The following TAFA4 variants were observed in gnomAD, a reference collection of about 807,000 sequenced individuals.
TAFA4 encodes TAFA chemokine like family member 4.
A neutral mutation model predicts 21.1 loss-of-function variants in TAFA4; 20 were observed. That is an observed-to-expected ratio of 0.95 (90% CI 0.67 to 1.38). TAFA4 has a LOEUF of 1.38. Ranked by LOEUF, TAFA4 falls within the 40% of genes most tolerant of loss-of-function variation. The probability of loss-of-function intolerance (pLI) is 0.00; values close to 1 mark genes in which losing one functional copy is unlikely to be tolerated. For missense variants in TAFA4, 211 were observed against 180.9 expected (o/e 1.17, Z -0.95); for synonymous variants, 71 against 67.4 (o/e 1.05, Z -0.26).
intron 3 of TAFA4, among the ~76,000 whole-genome samples, chr3:68,850,240 AT>A (rs1195135303): frequency 2.0e-5 from 3 of 152,170 alleles, no homozygotes; most frequent in Non-Finnish European, 4.4e-5. Flanking sequence ...GACTCCAGGC[AT>A]TGTTTCAGTT....
intron 1 of TAFA4, among the ~76,000 whole-genome samples, chr3:68,887,345 C>T (rs373251251): frequency 4.6e-5 from 7 of 152,256 alleles, no homozygotes; most frequent in African/African-American, 1.7e-4. Flanking sequence ...CAGCCCTGCC[C>T]CTGTGGCTTT....
chr3:68,909,214 C>A (rs755796044), intron 1 of TAFA4, among the ~76,000 whole-genome samples: 2 of 152,084 alleles, frequency 1.3e-5, no homozygotes, highest in Non-Finnish European at 2.9e-5. Flanking sequence ...AAAATGACAA[C>A]AGAATTTAGT....
chr3:68,734,052 A>G (rs1272258641), intron 5 of TAFA4, among the ~76,000 whole-genome samples: 1 of 152,206 alleles, frequency 6.6e-6, no homozygotes, highest in Non-Finnish European at 1.5e-5. Flanking sequence ...TCTGCAGGCC[A>G]TACAGTCACT....
At chr3:68,863,285 T>C (rs1173906873) in intron 3 of TAFA4, among the ~76,000 whole-genome samples, 1 of 151,990 alleles carries the variant, frequency 6.6e-6, no homozygotes, top group African/African-American at 2.4e-5. Flanking sequence ...TCACAGTATA[T>C]TTCCAGTAAG....
At chr3:68,896,519 C>G (rs2089790417) in intron 1 of TAFA4, among the ~76,000 whole-genome samples, 1 of 152,192 alleles carries the variant, frequency 6.6e-6, no homozygotes, top group Non-Finnish European at 1.5e-5. Context: ...AATGTTATTA[C>G]CAGTCTTGCA....
intron 3 of TAFA4, among the ~76,000 whole-genome samples, chr3:68,779,808 C>T (rs1470330850): frequency 6.6e-6 from 1 of 152,178 alleles, no homozygotes; most frequent in Non-Finnish European, 1.5e-5. Context: ...GTTGGAGCCC[C>T]CACACAGAGT....
rs111620147 is a variant in TAFA4, at chr3:68,841,344, A to G, written c.130+39386T>C. ...TCTCAAAAAAAAAAAAAATAAAAAA[A>G]AATAAAATCCACACACATTCTCCAC... On this transcript the variant is annotated intron_variant, in intron 3 of 5. Coordinates refer to ENST00000295569, the MANE Select transcript of TAFA4 (RefSeq NM_182522.5). 2.2e-4 allele frequency among the ~76,000 whole-genome samples: 16 copies of G among 73,618 alleles called. 3 individuals carry two copies. In the South Asian group the frequency reaches 2.6e-3, roughly 12 times the overall value. 48.3% of individuals were successfully genotyped at this position (73,618 alleles called of 152,430 possible).
intron 3 of TAFA4, among the ~76,000 whole-genome samples, chr3:68,833,719 C>G (rs1023517933): frequency 2.0e-5 from 3 of 151,966 alleles, no homozygotes; most frequent in African/African-American, 4.8e-5. Flanking sequence ...CACTCTTAGC[C>G]CCCTATCCAC....
intron 3 of TAFA4, among the ~76,000 whole-genome samples, chr3:68,852,352 G>A (rs72938872): frequency 2.2e-4 from 34 of 152,230 alleles, no homozygotes; most frequent in African/African-American, 7.5e-4. Context: ...GAACATACTC[G>A]TATTTGGTCA....
At chr3:68,849,364 C>T (rs151098484) in intron 3 of TAFA4, among the ~76,000 whole-genome samples, 4 of 152,254 alleles carry the variant, frequency 2.6e-5, no homozygotes, top group African/African-American at 9.6e-5. Flanking sequence ...CCATTTATCG[C>T]CCAGGCTTCA....
chr3:68,871,468 T>C (rs2089482425), intron 3 of TAFA4, among the ~76,000 whole-genome samples: 1 of 152,056 alleles, frequency 6.6e-6, no homozygotes, highest in African/African-American at 2.4e-5. Flanking sequence ...CCTGAAACTA[T>C]GAAACTATTA....
At chr3:68,813,951 C>G (rs1410418874) in intron 3 of TAFA4, among the ~76,000 whole-genome samples, 1 of 152,174 alleles carries the variant, frequency 6.6e-6, no homozygotes, top group Non-Finnish European at 1.5e-5. Flanking sequence ...AGCAGCACAT[C>G]AAAAACCTTA....
chr3:68,870,871 G>T (rs2089473977), intron 3 of TAFA4, among the ~76,000 whole-genome samples: 1 of 152,128 alleles, frequency 6.6e-6, no homozygotes, highest in Non-Finnish European at 1.5e-5. Flanking sequence ...TGCTGAGAAT[G>T]ATGGTTTCCA....
chr3:68,925,922 AC>A (rs2090103980), intron 1 of TAFA4, among the ~76,000 whole-genome samples: 1 of 152,080 alleles, frequency 6.6e-6, no homozygotes, highest in Non-Finnish European at 1.5e-5. Flanking sequence ...TGATGTATGA[AC>A]CCCGTTATTC....
At chr3:68,915,601 T>C (rs1575671543) in intron 1 of TAFA4, among the ~76,000 whole-genome samples, 1 of 152,182 alleles carries the variant, frequency 6.6e-6, no homozygotes, top group African/African-American at 2.4e-5. Context: ...CTCTGAACTT[T>C]CAATAGGCTT....
In TAFA4 at chr3:68,732,261, C is replaced by T. The variant is rs977247224; in HGVS notation, c.*881G>A. On this transcript the variant is annotated 3_prime_UTR_variant, in exon 6 of 6. Coordinates refer to ENST00000295569, the MANE Select transcript of TAFA4 (RefSeq NM_182522.5). ...TCTAAAAATTCAGCACTGAAAGACT[C>T]CTGTCTCGGAGTTAAAATCTTTTCA... is the stretch of plus-strand genomic sequence containing the variant. The T allele has an allele frequency of 6.6e-6, 1 of 152,500 alleles. No homozygotes were observed. Among genetic ancestry groups the T allele is most frequent in the African/African-American group, 2.4e-5 (1 of 41,414 alleles). 9.4% of individuals were successfully genotyped at this position (152,500 alleles called of 1,614,324 possible). A position where few individuals can be genotyped will look rare whatever the true frequency, so the allele number is the denominator to read the frequency against.
At chr3:68,757,381 T>TAATC (rs1178179673) in intron 3 of TAFA4, among the ~76,000 whole-genome samples, 13 of 152,148 alleles carry the variant, frequency 8.5e-5, no homozygotes, top group Admixed American at 2.0e-4. Context: ...TCTCCAAATA[T>TAATC]AATCACATTT....
chr3:68,830,453 G>C (rs1482801715), intron 3 of TAFA4, among the ~76,000 whole-genome samples: 1 of 152,184 alleles, frequency 6.6e-6, no homozygotes, highest in Non-Finnish European at 1.5e-5. Flanking sequence ...TTACCCAGTA[G>C]TCATTCAGGA....
chr3:68,919,581 T>C (rs2090038773), intron 1 of TAFA4, among the ~76,000 whole-genome samples: 1 of 152,212 alleles, frequency 6.6e-6, no homozygotes, highest in African/African-American at 2.4e-5. Context: ...AAAGCTAAAT[T>C]AATTAAAATT....
Sources: gnomAD v4.1 joint callset for allele counts (sites outside exome capture counted in the v4.1 genomes callset) on GRCh38, gnomAD v4.1.1 for gene constraint, MANE v1.5 for transcripts, NCBI Gene and HGNC (gene_info 2026-07-23, HGNC 2026-07-21) for gene names.